ANKRD30A: variants seen among roughly 807,000 people sequenced by gnomAD.
ANKRD30A encodes ankyrin repeat domain-containing protein 30A.
ANKRD30A carries 170 observed loss-of-function variants against 166.3 expected under a neutral mutation model. That is an observed-to-expected ratio of 1.02 (90% CI 0.90 to 1.16). The LOEUF is 1.16. Among genes scored for constraint, ANKRD30A ranks in the 50% most tolerant of loss-of-function variants. The pLI is 0.00. For missense variants in ANKRD30A, 1,630 were observed against 1,518.0 expected (o/e 1.07, Z -1.23); for synonymous variants, 564 against 508.9 (o/e 1.11, Z -1.46).
chr10:37,200,140 T>G (rs1044339157), intron 30 of ANKRD30A, among the ~76,000 whole-genome samples: 3 of 152,074 alleles, frequency 2.0e-5, no homozygotes, highest in Non-Finnish European at 4.4e-5. Flanking sequence ...TATATCTAGA[T>G]GTACAAAAGT....
rs185530203 is a variant in ANKRD30A at position 37,165,184 on chromosome 10, A to G, written c.2064+29A>G. 1.0e-4 allele frequency: 162 copies of G among 1,562,624 alleles called. 1 individual carries two copies. The African/African-American group carries it at 1.6e-3, about 16-fold the overall frequency. ...CTGTGTGTTGTTGATTTTTTTAAATATTAGTATTGCATGATATGAAAACAT... is the reference window on the plus strand; with the variant it reads ...CTGTGTGTTGTTGATTTTTTTAAATGTTAGTATTGCATGATATGAAAACAT... On this transcript the variant is annotated intron_variant, in intron 18 of 35. Transcript: ENST00000361713.
intron 6 of ANKRD30A, among the ~76,000 whole-genome samples, chr10:37,138,208 C>A (rs1466596175): frequency 2.0e-5 from 3 of 152,094 alleles, no homozygotes; most frequent in African/African-American, 7.2e-5. Context: ...AAAGGACATC[C>A]ACACCAAAAC....
chr10:37,155,876 T>C (rs550184453), intron 13 of ANKRD30A, among the ~76,000 whole-genome samples: 2 of 152,174 alleles, frequency 1.3e-5, no homozygotes, highest in East Asian at 1.9e-4. Flanking sequence ...GGTTAGGAGA[T>C]CCAGACCATC....
intron 1 of ANKRD30A, 138 bp downstream of exon 1, chr10:37,126,146 T>G (rs1263995315): frequency 2.2e-6 from 2 of 912,274 alleles, no homozygotes; most frequent in Non-Finnish European, 3.4e-6. Flanking sequence ...GCAGCCATCC[T>G]GGGCCCTCGG....
At chr10:37,167,683 A>C (rs1389545912) in intron 19 of ANKRD30A, among the ~76,000 whole-genome samples, 1 of 151,906 alleles carries the variant, frequency 6.6e-6, no homozygotes, top group Non-Finnish European at 1.5e-5. Context: ...AGATATTGAG[A>C]TGACTAAGCT....
chr10:37,213,671 T>C (rs1205296019), intron 31 of ANKRD30A, among the ~76,000 whole-genome samples: 1 of 151,448 alleles, frequency 6.6e-6, no homozygotes, highest in East Asian at 1.9e-4. Flanking sequence ...TGTAGATGCA[T>C]TTTACAATAT....
At position 37,219,018 on chromosome 10, in the gene ANKRD30A, T is replaced by C. The variant is rs189195791; in HGVS notation, c.3306T>C (p.His1102=). The C allele has an allele frequency of 2.5e-6, 4 of 1,592,846 alleles. No individual in the cohort carries two copies. Among genetic ancestry groups the C allele is most frequent in the Non-Finnish European group, 2.6e-6 (3 of 1,172,544 alleles). The change falls in exon 34 of 36, where the codon CAT becomes CAC. Residue 1102 remains histidine (H), a synonymous_variant. Coordinates refer to ENST00000361713, the MANE Select transcript of ANKRD30A (RefSeq NM_052997.3). ...ATGAAAATGAAAATTATCTCTTACATGAAAATTGCATGTTGAAAAAGGAAA... is the reference window on the plus strand; with the variant it reads ...ATGAAAATGAAAATTATCTCTTACACGAAAATTGCATGTTGAAAAAGGAAA... ...HTHENENYLL[H]ENCMLKKEIA... is the part of the protein sequence containing the mutation.
intron 24 of ANKRD30A, chr10:37,178,620 T>A (rs1459653159): frequency 6.2e-6 from 6 of 964,034 alleles, no homozygotes; most frequent in Non-Finnish European, 7.4e-6. Context: ...ATTTTGAGGA[T>A]GTTTTTAGTC....
At chr10:37,131,183 T>G (rs1403550952) in intron 3 of ANKRD30A, among the ~76,000 whole-genome samples, 1 of 149,268 alleles carries the variant, frequency 6.7e-6, no homozygotes, top group Non-Finnish European at 1.5e-5. Flanking sequence ...TTCTCAGAAT[T>G]GTCCCTTAAA....
the ANKRD30A span, chr10:37,248,118 AT>A: frequency 1.7e-6 from 1 of 594,474 alleles, no homozygotes; most frequent in Non-Finnish European, 3.3e-6. Flanking sequence ...CTCCCTGCAG[AT>A]TTTCACCGCT....
the ANKRD30A span, among the ~76,000 whole-genome samples, chr10:37,249,708 T>C: frequency 6.6e-6 from 1 of 152,132 alleles, no homozygotes; most frequent in African/African-American, 2.4e-5. Flanking sequence ...TGTGGAAAAC[T>C]GTGAGTAGAT....
In ANKRD30A at chr10:37,162,620, A is replaced by G; in HGVS notation, c.1901-29A>G. The G allele has an allele frequency of 3.1e-6, 5 of 1,611,656 alleles. No individual in the cohort carries two copies. In the South Asian group the frequency reaches 4.4e-5, roughly 14 times the overall value. ...GGTTGGCTTGTCATATTTACATATG[A>G]TTGATGATAAATCTCTTTTGCTTTT... On this transcript the variant is annotated intron_variant, in intron 15 of 35. Coordinates refer to ENST00000361713, the MANE Select transcript of ANKRD30A (RefSeq NM_052997.3).
In ANKRD30A at chr10:37,193,078, G is replaced by C; in HGVS notation, c.2527G>C (p.Asp843His). 6.2e-7 allele frequency: 1 copy of C among 1,609,820 alleles called. No individual in the cohort carries two copies. Among genetic ancestry groups the C allele is most frequent in the South Asian group, 1.1e-5 (1 of 90,874 alleles). Residue 843 changes from aspartate (D) to histidine (H), a missense_variant, in exon 26 of 36, where the codon GAT (aspartate) becomes CAT (histidine). Coordinates refer to ENST00000361713, the MANE Select transcript of ANKRD30A (RefSeq NM_052997.3). The stretch of plus-strand genomic sequence containing the variant: ...TTTTCTTTTAGAGTCTCCTGATAAT[G>C]ATGGTTTTCTGAAGGTAATAACTTT... The part of the protein sequence containing the change: ...NGKLEESPDN[D>H]GFLKAPCRMK...
At chr10:37,144,329 T>G (rs747653618) in intron 7 of ANKRD30A, among the ~76,000 whole-genome samples, 1 of 152,188 alleles carries the variant, frequency 6.6e-6, no homozygotes, top group Non-Finnish European at 1.5e-5. Flanking sequence ...TCCTATAAAT[T>G]TTTAATGTTT....
chr10:37,194,037 A>G (rs1260208269), intron 27 of ANKRD30A, among the ~76,000 whole-genome samples: 1 of 152,116 alleles, frequency 6.6e-6, no homozygotes, highest in South Asian at 2.1e-4. Flanking sequence ...TCTACTAAAC[A>G]TAACAAAAAG....
intron 13 of ANKRD30A, among the ~76,000 whole-genome samples, chr10:37,156,451 A>T (rs1838390146): frequency 1.3e-5 from 2 of 152,200 alleles, no homozygotes; most frequent in Non-Finnish European, 2.9e-5. Context: ...GGATGATCAG[A>T]TCACAATTTA....
intron 31 of ANKRD30A, among the ~76,000 whole-genome samples, chr10:37,206,840 T>C (rs900105226): frequency 1.4e-4 from 16 of 115,402 alleles, no homozygotes; most frequent in Non-Finnish European, 2.0e-4. Context: ...GAGACTAACA[T>C]GATAAATCAG....
Position 37,196,096 on chromosome 10 carries a change from T to TA in ANKRD30A, c.2615-1185_2615-1184insA, listed in dbSNP as rs1454116192. 3.0e-3 allele frequency among the ~76,000 whole-genome samples: 429 copies of TA among 143,838 alleles called. 6 individuals are homozygous for TA. Among genetic ancestry groups the TA allele is most frequent in the South Asian group, 0.012 (53 of 4,566 alleles). The allele number at this position is 143,838 out of a possible 152,430, so 94.4% of individuals were successfully genotyped here. ...TAGAGGTTTTTTTATATTTTCTATT[T>TA]TTTTTTTTTTTTTTTTGTAGTAGAA... On this transcript the variant is annotated intron_variant, in intron 27 of 35. Transcript: ENST00000361713.
At chr10:37,161,970 A>T (rs1212454763) in intron 15 of ANKRD30A, among the ~76,000 whole-genome samples, 1 of 152,168 alleles carries the variant, frequency 6.6e-6, no homozygotes, top group African/African-American at 2.4e-5. Context: ...TTTATGTTTA[A>T]TTCATCTATT....
Sources: allele counts gnomAD v4.1 joint callset (sites outside exome capture counted in the v4.1 genomes callset), GRCh38; gene constraint gnomAD v4.1.1; transcripts MANE v1.5; gene names NCBI Gene and HGNC (gene_info 2026-07-23, HGNC 2026-07-21).